ADAMTS2: variants seen among roughly 807,000 people sequenced by gnomAD.
The protein encoded by ADAMTS2 is ADAM metallopeptidase with thrombospondin type 1 motif 2.
ADAMTS2 carries 50 observed loss-of-function variants against 123.0 expected under a neutral mutation model. The ratio of observed to expected loss-of-function variants is 0.41; its 90% CI spans 0.32 to 0.51. The LOEUF is 0.51. Among genes scored for constraint, ADAMTS2 ranks in the 20% least tolerant of loss-of-function variants. The probability of loss-of-function intolerance (pLI) is 0.35; values close to 1 mark genes in which losing one functional copy is unlikely to be tolerated. For synonymous variants in ADAMTS2, 678 were observed against 695.4 expected (o/e 0.98, Z 0.39); for missense variants, 1,494 against 1,705.2 (o/e 0.88, Z 2.18).
chr5:179,217,345 T>C (rs902997371), intron 3 of ADAMTS2, among the ~76,000 whole-genome samples: 6 of 152,186 alleles, frequency 3.9e-5, no homozygotes. Flanking sequence ...TGCAAAAATG[T>C]ACACTAAGGA....
chr5:179,267,090 G>A (rs1241170940), intron 3 of ADAMTS2, among the ~76,000 whole-genome samples: 2 of 152,108 alleles, frequency 1.3e-5, no homozygotes, highest in African/African-American at 4.8e-5. Flanking sequence ...GCACACCCAG[G>A]GGGAACTGTC....
chr5:179,314,414 C>A lies in ADAMTS2; in HGVS notation c.534+29353G>T, dbSNP rs930127705. Among the ~76,000 whole-genome samples, 1 of 151,916 alleles carries A rather than the reference C, an allele frequency of 6.6e-6. No homozygotes were observed. Among genetic ancestry groups the A allele is most frequent in the Non-Finnish European group, 1.5e-5 (1 of 68,032 alleles). On this transcript the variant is annotated intron_variant, in intron 2 of 21. Coordinates refer to ENST00000251582, the MANE Select transcript of ADAMTS2 (RefSeq NM_014244.5). This position sits in a 1 kb window ranked among gnomAD's most constrained non-coding sequence, Gnocchi z 4.5. ...GGGAGCGGCAAGGCCAGGCTCCTCC[C>A]CACCCCGTGGCGTGGCGTGGCGTGG...
Position 179,344,082 on chromosome 5 carries a change from G to T in ADAMTS2, c.219C>A (p.His73Gln), listed in dbSNP as rs1372824428. 13 of 1,610,916 alleles carry T rather than the reference G, an allele frequency of 8.1e-6. No individual in the cohort carries two copies. Among genetic ancestry groups the T allele is most frequent in the Non-Finnish European group, 1.0e-5 (12 of 1,178,812 alleles). The part of the protein sequence containing the change: ...RTDAQGRLVS[H>Q]VVSAATSRAG... ...CTCTGGACGTAGCTGCCGACACCAC[G>T]TGGGACACCAAGCGGCCCTGGGCGT... The change falls in exon 2 of 22, where the codon CAC becomes CAA. Residue 73 changes from histidine (H) to glutamine (Q), a missense_variant. This residue lies in a region of ADAMTS2 where 237 missense variants were observed against 233.7 expected (regional missense o/e 1.01). Coordinates refer to ENST00000251582, the MANE Select transcript of ADAMTS2 (RefSeq NM_014244.5).
chr5:179,275,793 C>A (rs78767149), intron 2 of ADAMTS2, among the ~76,000 whole-genome samples: 1 of 152,228 alleles, frequency 6.6e-6, no homozygotes, highest in Non-Finnish European at 1.5e-5. Context: ...GGCCTCAGAA[C>A]TGTGAGAGAA....
At chr5:179,280,003 G>A (rs116123739) in intron 2 of ADAMTS2, among the ~76,000 whole-genome samples, 2,956 of 152,280 alleles carry the variant, frequency 0.019, 98 homozygotes, top group African/African-American at 0.067. Context: ...CTTGGAGAGC[G>A]ACCCCTTGTC....
rs542555097 is a variant in ADAMTS2, at chr5:179,285,881, G to A, written c.535-12817C>T. Reference sequence around the variant, plus strand: ...TTGTGGCCTTGAGACGTGTGGTGGAGGAGAGCTCATGGAATAAGGTCCAAC... The same window carrying A: ...TTGTGGCCTTGAGACGTGTGGTGGAAGAGAGCTCATGGAATAAGGTCCAAC... On this transcript the variant is annotated intron_variant, in intron 2 of 21. Coordinates refer to ENST00000251582, the MANE Select transcript of ADAMTS2 (RefSeq NM_014244.5). The surrounding 1 kb of genome is among the most constrained non-coding windows in gnomAD (Gnocchi z 4.9). Among the ~76,000 whole-genome samples the A allele has an allele frequency of 2.6e-5, 4 of 152,262 alleles. No individual in the cohort carries two copies. The highest frequency in any genetic ancestry group is 9.6e-5 in the African/African-American group (4 of 41,546).
intron 2 of ADAMTS2, among the ~76,000 whole-genome samples, chr5:179,333,891 G>A (rs531003557): frequency 1.2e-4 from 19 of 152,194 alleles, no homozygotes; most frequent in Non-Finnish European, 2.5e-4. Context: ...ACTGTGCCCC[G>A]CCTACAGATT....
chr5:179,249,066 G>C (rs1435163968), intron 3 of ADAMTS2, among the ~76,000 whole-genome samples: 1 of 152,014 alleles, frequency 6.6e-6, no homozygotes, highest in Non-Finnish European at 1.5e-5. Flanking sequence ...AATAAAACTA[G>C]AAATCAATGA....
intron 2 of ADAMTS2, among the ~76,000 whole-genome samples, chr5:179,300,516 T>G (rs763645103): frequency 6.6e-6 from 1 of 152,252 alleles, no homozygotes; most frequent in South Asian, 2.1e-4. Flanking sequence ...CATCCTCTTA[T>G]AGCACCCATT....
chr5:179,223,186 A>G (rs1765166368), intron 3 of ADAMTS2, among the ~76,000 whole-genome samples: 1 of 152,206 alleles, frequency 6.6e-6, no homozygotes, highest in South Asian at 2.1e-4. Flanking sequence ...TGTCACCATC[A>G]CAGGCTGGCC....
At chr5:179,206,800 T>A (rs1764708585) in intron 4 of ADAMTS2, among the ~76,000 whole-genome samples, 1 of 152,120 alleles carries the variant, frequency 6.6e-6, no homozygotes, top group African/African-American at 2.4e-5. Context: ...CACCTCCTGC[T>A]TAGGTTGTTG....
chr5:179,139,379 C>T (rs565584260), intron 11 of ADAMTS2, among the ~76,000 whole-genome samples: 16 of 152,036 alleles, frequency 1.1e-4, no homozygotes, highest in African/African-American at 3.6e-4. Flanking sequence ...CAGCACAGGG[C>T]ATGGGGCCTG....
chr5:179,211,172 A>G (rs904234049), intron 3 of ADAMTS2, among the ~76,000 whole-genome samples: 6 of 152,104 alleles, frequency 3.9e-5, no homozygotes, highest in Admixed American at 3.9e-4. Context: ...CTCCCCTGGG[A>G]GCTCCCTGTG....
chr5:179,147,514 C>T (rs2113236065), intron 10 of ADAMTS2, among the ~76,000 whole-genome samples: 1 of 152,254 alleles, frequency 6.6e-6, no homozygotes, highest in South Asian at 2.1e-4. Context: ...CAAAATACTG[C>T]CCATATAGAA....
chr5:179,341,160 C>A (rs1341898293), intron 2 of ADAMTS2, among the ~76,000 whole-genome samples: 7 of 152,090 alleles, frequency 4.6e-5, no homozygotes, highest in Non-Finnish European at 1.0e-4. Flanking sequence ...AGCAAAGAAG[C>A]CTATCGTGGT....
chr5:179,262,181 C>G lies in ADAMTS2; in HGVS notation c.688+10730G>C, dbSNP rs1474574111. On this transcript the variant is annotated intron_variant, in intron 3 of 21. Coordinates refer to ENST00000251582, the MANE Select transcript of ADAMTS2 (RefSeq NM_014244.5). The surrounding 1 kb of genome is among the most constrained non-coding windows in gnomAD (Gnocchi z 5.9). ...CCTGCACGTGGCCCAGACCACCTAA[C>G]CTGCCACCCCCACCAGCACACCTGC... Among the ~76,000 whole-genome samples the G allele has an allele frequency of 1.3e-5, 2 of 151,962 alleles. No individual in the cohort carries two copies. The highest frequency in any genetic ancestry group is 4.8e-5 in the African/African-American group (2 of 41,298).
intron 3 of ADAMTS2, among the ~76,000 whole-genome samples, chr5:179,255,867 C>T (rs775445543): frequency 8.5e-5 from 13 of 152,176 alleles, no homozygotes; most frequent in Admixed American, 3.9e-4. Context: ...CTGGGCAGCC[C>T]TGGAGTGTGT....
intron 3 of ADAMTS2, among the ~76,000 whole-genome samples, chr5:179,255,953 C>A (rs1766040775): frequency 6.6e-6 from 1 of 152,192 alleles, no homozygotes; most frequent in Admixed American, 6.5e-5. Context: ...GGCTGCTCCC[C>A]ACTGGCTGCT....
At chr5:179,159,010 C>A in intron 5 of ADAMTS2, 131 bp from the exon 6 acceptor site, 1 of 1,238,494 alleles carries the variant, frequency 8.1e-7, no homozygotes, top group Non-Finnish European at 1.1e-6. Flanking sequence ...AGGCCCTGCC[C>A]GGTCACTCTC....
Sources: gnomAD v4.1 joint callset for allele counts (sites outside exome capture counted in the v4.1 genomes callset) on GRCh38, gnomAD v4.1.1 for gene constraint, gnomAD v4.1.1 regional missense constraint, Gnocchi (gnomAD v3.1) non-coding constraint, MANE v1.5 for transcripts, NCBI Gene and HGNC (gene_info 2026-07-23, HGNC 2026-07-21) for gene names.